DCC: variants seen among roughly 807,000 people sequenced by gnomAD.
DCC encodes netrin receptor DCC.
DCC carries 58 observed loss-of-function variants against 172.5 expected under a neutral mutation model. That is an observed-to-expected ratio of 0.34 (90% CI 0.27 to 0.42). DCC has a LOEUF of 0.42. Among genes scored for constraint, DCC ranks in the 10% least tolerant of loss-of-function variants. The pLI, the probability that DCC is intolerant of heterozygous loss-of-function variation, is 1.00. For missense variants in DCC, 1,740 were observed against 1,791.0 expected (o/e 0.97, Z 0.51); for synonymous variants, 709 against 644.5 (o/e 1.10, Z -1.52).
At chr18:52,935,539 A>T (rs1408452578) in intron 5 of DCC, among the ~76,000 whole-genome samples, 1 of 152,104 alleles carries the variant, frequency 6.6e-6, no homozygotes, top group African/African-American at 2.4e-5. Flanking sequence ...TTCAAAATTG[A>T]TATGGCTTTT....
intron 2 of DCC, among the ~76,000 whole-genome samples, chr18:52,761,932 A>G (rs1218857988): frequency 9.0e-5 from 11 of 122,640 alleles, no homozygotes; most frequent in Non-Finnish European, 2.2e-4. Context: ...AAAAGAAAAA[A>G]AAAAAGAAGA....
intron 15 of DCC, among the ~76,000 whole-genome samples, chr18:53,343,409 T>C (rs763790466): frequency 6.6e-6 from 1 of 151,988 alleles, no homozygotes; most frequent in Non-Finnish European, 1.5e-5. Context: ...TTCTATCTTT[T>C]GAAATGAACT....
At chr18:52,999,607 A>G (rs941698077) in intron 5 of DCC, among the ~76,000 whole-genome samples, 3 of 152,140 alleles carry the variant, frequency 2.0e-5, no homozygotes, top group Admixed American at 6.6e-5. Context: ...TTGTTTTTCT[A>G]TAAGTGAGAG....
intron 16 of DCC, 97 bp downstream of exon 16, chr18:53,386,235 T>C (rs1599093163): frequency 1.2e-5 from 9 of 778,522 alleles, no homozygotes; most frequent in Non-Finnish European, 2.0e-5. Flanking sequence ...AAAATGAATA[T>C]ATCCTATCAT....
chr18:53,168,421 T>C (rs1305022250), intron 8 of DCC, among the ~76,000 whole-genome samples: 9 of 151,974 alleles, frequency 5.9e-5, no homozygotes, highest in Admixed American at 5.9e-4. Context: ...TGCAGGGACA[T>C]GGATGAAGCT....
intron 12 of DCC, among the ~76,000 whole-genome samples, chr18:53,259,112 A>G (rs1235807442): frequency 2.0e-5 from 3 of 151,978 alleles, no homozygotes; most frequent in African/African-American, 7.3e-5. Context: ...GTCTCTGCAC[A>G]TGAGATGGGT....
chr18:52,751,990 G>T, intron 1 of DCC, 64 bp from the exon 2 acceptor site: 1 of 1,361,866 alleles, frequency 7.3e-7, no homozygotes, highest in Non-Finnish European at 1.0e-6. Flanking sequence ...AGAAAAGACA[G>T]GGAATCTAAG....
At chr18:53,417,850 ATAT>A (rs1385829688) in intron 21 of DCC, among the ~76,000 whole-genome samples, 2 of 152,100 alleles carry the variant, frequency 1.3e-5, no homozygotes, top group Non-Finnish European at 1.5e-5. Flanking sequence ...GTTTTGCATA[ATAT>A]TATTTTAAAC....
chr18:52,691,483 C>T (rs769206370), intron 1 of DCC, among the ~76,000 whole-genome samples: 3 of 152,062 alleles, frequency 2.0e-5, no homozygotes, highest in Non-Finnish European at 2.9e-5. Context: ...AGAGAAGAAT[C>T]CTGTTTTGTC....
chr18:53,206,208 T>G (rs1373151901), intron 10 of DCC, among the ~76,000 whole-genome samples: 1 of 10,096 alleles, frequency 9.9e-5, no homozygotes, highest in African/African-American at 4.5e-4. Context: ...ATATAATACA[T>G]ATACATGTGT....
chr18:52,665,162 G>A (rs1401014546), intron 1 of DCC, among the ~76,000 whole-genome samples: 5 of 152,178 alleles, frequency 3.3e-5, no homozygotes, highest in Non-Finnish European at 7.4e-5. Context: ...TAGGCTGAAG[G>A]TGAAGCCAGG....
chr18:53,390,886 A>G (rs1908505544), intron 16 of DCC, among the ~76,000 whole-genome samples: 1 of 152,190 alleles, frequency 6.6e-6, no homozygotes, highest in Non-Finnish European at 1.5e-5. Context: ...TCCTACCAAG[A>G]CTAAAAACTT....
intron 1 of DCC, 44 bp downstream of exon 1, chr18:52,340,922 C>G: frequency 7.2e-7 from 1 of 1,391,882 alleles, no homozygotes; most frequent in Non-Finnish European, 1.0e-6. Flanking sequence ...CCCTTCCGTA[C>G]CCCACTTCCC....
chr18:53,242,137 G>C (rs1235853141), intron 12 of DCC, among the ~76,000 whole-genome samples: 2 of 152,080 alleles, frequency 1.3e-5, no homozygotes, highest in African/African-American at 4.8e-5. Context: ...AGAACAAACA[G>C]GAAGACTGAG....
At chr18:52,913,810 A>C (rs2145465299) in intron 3 of DCC, among the ~76,000 whole-genome samples, 1 of 151,742 alleles carries the variant, frequency 6.6e-6, no homozygotes, top group Middle Eastern at 3.4e-3. Context: ...GAACAAGAAA[A>C]CCTCCCTGAG....
chr18:53,184,062 A>C (rs912552656), intron 9 of DCC, among the ~76,000 whole-genome samples: 6 of 151,952 alleles, frequency 3.9e-5, no homozygotes, highest in Non-Finnish European at 7.4e-5. Flanking sequence ...CATAATTTCA[A>C]CTGCTCTACA....
intron 8 of DCC, among the ~76,000 whole-genome samples, chr18:53,176,982 T>C (rs1445386714): frequency 1.3e-5 from 2 of 152,006 alleles, no homozygotes; most frequent in Non-Finnish European, 2.9e-5. Context: ...ATATACACCA[T>C]GGAATACTAT....
intron 1 of DCC, among the ~76,000 whole-genome samples, chr18:52,623,907 C>A (rs1425271078): frequency 6.6e-6 from 1 of 152,078 alleles, no homozygotes; most frequent in Non-Finnish European, 1.5e-5. Flanking sequence ...ATCAGCAATG[C>A]ACATGTGTGT....
chr18:52,600,451 C>T (rs1175613580), intron 1 of DCC, among the ~76,000 whole-genome samples: 1 of 152,146 alleles, frequency 6.6e-6, no homozygotes, highest in African/African-American at 2.4e-5. Flanking sequence ...ACACACCTAA[C>T]TTATTTTTTT....
Sources: allele counts gnomAD v4.1 joint callset (sites outside exome capture counted in the v4.1 genomes callset), GRCh38; gene constraint gnomAD v4.1.1; transcripts MANE v1.5; gene names NCBI Gene and HGNC (gene_info 2026-07-23, HGNC 2026-07-21).